The following PLCL1 variants were observed in gnomAD, a reference collection of about 807,000 sequenced individuals.
PLCL1 encodes phospholipase C like 1 (inactive).
Under a neutral mutation model 84.4 loss-of-function variants are expected in PLCL1, and 41 were observed. The observed-to-expected ratio is 0.49, with a 90% CI of 0.38 to 0.63. The LOEUF (loss-of-function observed/expected upper bound fraction) is 0.63, where lower values mean the gene tolerates loss of function less well. Among genes scored for constraint, PLCL1 ranks in the 30% least tolerant of loss-of-function variants. The pLI is 0.00. For missense variants in PLCL1, 1,206 were observed against 1,367.8 expected (o/e 0.88, Z 1.87); for synonymous variants, 490 against 488.3 (o/e 1.00, Z -0.05).
At chr2:197,859,206 A>G (rs1687384663) in intron 1 of PLCL1, among the ~76,000 whole-genome samples, 1 of 152,142 alleles carries the variant, frequency 6.6e-6, no homozygotes, top group Non-Finnish European at 1.5e-5. Context: ...ATCCTGAAAT[A>G]TGTTAGCTTT....
intron 1 of PLCL1, among the ~76,000 whole-genome samples, chr2:197,896,586 G>A (rs933414736): frequency 2.6e-5 from 4 of 152,010 alleles, no homozygotes; most frequent in African/African-American, 7.2e-5. Flanking sequence ...TTATATGGTA[G>A]ATGTGTAAAA....
chr2:197,899,839 G>T (rs1421869026), intron 1 of PLCL1, among the ~76,000 whole-genome samples: 3 of 151,738 alleles, frequency 2.0e-5, no homozygotes, highest in African/African-American at 7.3e-5. Context: ...GTTTCACCGT[G>T]TTAGCCAGGA....
intron 1 of PLCL1, among the ~76,000 whole-genome samples, chr2:197,873,611 T>A (rs1438066581): frequency 6.6e-6 from 1 of 152,144 alleles, no homozygotes; most frequent in Non-Finnish European, 1.5e-5. Context: ...CTGGGACTCA[T>A]GAGTCACAAC....
intron 1 of PLCL1, among the ~76,000 whole-genome samples, chr2:198,020,123 A>G (rs1187186805): frequency 6.6e-6 from 1 of 152,258 alleles, no homozygotes; most frequent in East Asian, 1.9e-4. Flanking sequence ...CCAGAATTTC[A>G]TATCCAGCCA....
At chr2:197,875,890 A>G (rs1328826217) in intron 1 of PLCL1, among the ~76,000 whole-genome samples, 1 of 152,190 alleles carries the variant, frequency 6.6e-6, no homozygotes, top group Non-Finnish European at 1.5e-5. Flanking sequence ...TGTTCAGATA[A>G]GGAAAGTAGA....
At chr2:197,991,546 T>G (rs1690346968) in intron 1 of PLCL1, among the ~76,000 whole-genome samples, 1 of 152,168 alleles carries the variant, frequency 6.6e-6, no homozygotes, top group South Asian at 2.1e-4. Flanking sequence ...TCTTTTAAAT[T>G]TATTCTGTGC....
At chr2:198,142,940 A>T (rs1388517707) in intron 5 of PLCL1, among the ~76,000 whole-genome samples, 1 of 151,854 alleles carries the variant, frequency 6.6e-6, no homozygotes, top group Admixed American at 6.6e-5. Flanking sequence ...TTAATTCTGC[A>T]TTTCATGCCA....
chr2:198,021,631 C>G (rs1691136989), intron 1 of PLCL1, among the ~76,000 whole-genome samples: 1 of 152,178 alleles, frequency 6.6e-6, no homozygotes, highest in Non-Finnish European at 1.5e-5. Context: ...TGCAAATAAA[C>G]TAGAAATTCT....
chr2:197,943,720 T>C (rs1689213590), intron 1 of PLCL1, among the ~76,000 whole-genome samples: 1 of 151,760 alleles, frequency 6.6e-6, no homozygotes, highest in East Asian at 1.9e-4. Flanking sequence ...CTGCCTTTTG[T>C]ATTTACTTTT....
chr2:198,088,904 C>T lies in PLCL1; in HGVS notation c.2762C>T (p.Ala921Val). 6.2e-7 allele frequency: 1 copy of T among 1,612,864 alleles called. No individual in the cohort carries two copies. The highest frequency in any genetic ancestry group is 8.5e-7 in the Non-Finnish European group (1 of 1,178,856). The change falls in exon 3 of 6, where the codon GCC (alanine) becomes GTC (valine). Residue 921 changes from alanine to valine, a missense_variant. Transcript: ENST00000428675. ...IKELCGLPPI[A>V]SLKQCLLTLS... ...GAACTATGTGGACTCCCTCCAATTG[C>T]CAGTCTGAAGCAGTGCCTGTTAACT...
chr2:197,920,869 T>G (rs1688687384), intron 1 of PLCL1, among the ~76,000 whole-genome samples: 1 of 152,240 alleles, frequency 6.6e-6, no homozygotes, highest in Non-Finnish European at 1.5e-5. Flanking sequence ...CAAGTTAATT[T>G]CCCAGCTCAA....
Position 197,932,524 on chromosome 2 carries a change from C to A in PLCL1, c.240+127185C>A, listed in dbSNP as rs1688957991. ...TCCAGATGCTCTCCGTCCCCCTACC[C>A]CCCAAACCCAGCAGGCCCCAGTGTG... On this transcript the variant is annotated intron_variant, in intron 1 of 5. Coordinates refer to ENST00000428675, the MANE Select transcript of PLCL1 (RefSeq NM_006226.4). Among the ~76,000 whole-genome samples, 7 of 152,110 alleles carry A rather than the reference C, an allele frequency of 4.6e-5. No individual in the cohort carries two copies. In the South Asian group the frequency reaches 1.4e-3, roughly 32 times the overall value.
intron 1 of PLCL1, among the ~76,000 whole-genome samples, chr2:197,851,724 T>C (rs2105682853): frequency 6.6e-6 from 1 of 152,296 alleles, no homozygotes; most frequent in African/African-American, 2.4e-5. Flanking sequence ...GGTCCTGGTA[T>C]GGAAATAGGC....
intron 1 of PLCL1, among the ~76,000 whole-genome samples, chr2:197,815,753 C>CA (rs746130700): frequency 2.0e-5 from 3 of 152,084 alleles, no homozygotes; most frequent in Non-Finnish European, 4.4e-5. Flanking sequence ...TTGAAAGGTT[C>CA]AGGACTTCGG....
At chr2:198,106,995 T>A (rs1693491611) in intron 5 of PLCL1, among the ~76,000 whole-genome samples, 1 of 151,860 alleles carries the variant, frequency 6.6e-6, no homozygotes, top group Non-Finnish European at 1.5e-5. Flanking sequence ...GTCCCTGTAT[T>A]AGTCTTTTCT....
chr2:197,997,585 C>G (rs930792289), intron 1 of PLCL1, among the ~76,000 whole-genome samples: 18 of 152,326 alleles, frequency 1.2e-4, no homozygotes, highest in African/African-American at 4.1e-4. Context: ...ATGGCTGTTT[C>G]AGGTAGACAA....
intron 1 of PLCL1, among the ~76,000 whole-genome samples, chr2:198,039,033 G>A (rs531777854): frequency 6.6e-6 from 1 of 152,140 alleles, no homozygotes; most frequent in African/African-American, 2.4e-5. Context: ...CTTACATTAG[G>A]GTGGTAATTG....
chr2:197,887,427 A>C (rs907185306), intron 1 of PLCL1, among the ~76,000 whole-genome samples: 7 of 152,196 alleles, frequency 4.6e-5, no homozygotes, highest in African/African-American at 1.4e-4. Context: ...ACAAATTCCA[A>C]GGAGAGGAAT....
intron 1 of PLCL1, among the ~76,000 whole-genome samples, chr2:197,811,774 C>T (rs1023411719): frequency 2.0e-5 from 3 of 152,132 alleles, no homozygotes; most frequent in Non-Finnish European, 4.4e-5. Context: ...CTTATGCTGA[C>T]CTTTTTCAAG....
Sources: gnomAD v4.1 joint callset for allele counts (sites outside exome capture counted in the v4.1 genomes callset) on GRCh38, gnomAD v4.1.1 for gene constraint, MANE v1.5 for transcripts, NCBI Gene and HGNC (gene_info 2026-07-23, HGNC 2026-07-21) for gene names.